The following PMP22 variants were observed in gnomAD, a reference collection of about 807,000 sequenced individuals.
PMP22 encodes Charcot-Marie-Tooth neuropathy 1A (greatly reduced nerve conduction velocity, hereditary motor sensory neuropathy Ia).
A neutral mutation model predicts 18.9 loss-of-function variants in PMP22; 2 were observed. The observed-to-expected ratio is 0.11, with a 90% CI of 0.04 to 0.33. PMP22 has a LOEUF of 0.33. Ranked by LOEUF, PMP22 falls within the 10% of genes least tolerant of loss-of-function variation. The pLI is 1.00. For missense variants in PMP22, 169 were observed against 202.2 expected, an observed-to-expected ratio of 0.84 and a Z score of 1.00; for synonymous variants, 95 against 89.2, an observed-to-expected ratio of 1.07 and a Z score of -0.37.
At chr17:15,263,164 G>A (rs559348728) in intron 1 of PMP22, among the ~76,000 whole-genome samples, 2 of 152,342 alleles carry the variant, frequency 1.3e-5, no homozygotes, top group Admixed American at 6.5e-5. Context: ...TCTTGGGTGC[G>A]AATTAGGGGA....
intron 3 of PMP22, among the ~76,000 whole-genome samples, chr17:15,253,076 C>T (rs922234826): frequency 6.6e-6 from 1 of 152,218 alleles, no homozygotes; most frequent in African/African-American, 2.4e-5. Context: ...TTGCCTGAAT[C>T]CTTTGGGTCA....
chr17:15,243,685 C>T (rs1249676042), intron 3 of PMP22, among the ~76,000 whole-genome samples: 2 of 146,678 alleles, frequency 1.4e-5, no homozygotes, highest in African/African-American at 2.5e-5. Context: ...ATGATATATA[C>T]AATATATAAT....
At chr17:15,240,506 A>T (rs1398640647) in intron 3 of PMP22, among the ~76,000 whole-genome samples, 1 of 149,108 alleles carries the variant, frequency 6.7e-6, no homozygotes, top group Non-Finnish European at 1.5e-5. Flanking sequence ...GAAGGCTTAC[A>T]CTTCCTTATC....
intron 4 of PMP22, among the ~76,000 whole-genome samples, chr17:15,234,631 T>C (rs1906630982): frequency 6.6e-6 from 1 of 152,178 alleles, no homozygotes; most frequent in East Asian, 1.9e-4. Context: ...AGTATCCAAA[T>C]GACCATTGCT....
chr17:15,233,807 C>G lies in PMP22; in HGVS notation c.320-2727G>C, dbSNP rs193124850. Among the ~76,000 whole-genome samples the G allele has an allele frequency of 8.0e-4, 121 of 152,198 alleles. No homozygotes were observed. The South Asian group carries it at 0.011, about 14-fold the overall frequency. On this transcript the variant is annotated intron_variant, in intron 4 of 4. Coordinates refer to ENST00000312280, the MANE Select transcript of PMP22 (RefSeq NM_000304.4). The stretch of plus-strand genomic sequence containing the variant: ...GAGGGAAGGAAATGCACCAGATGCC[C>G]CAAGAGCATAGACGGGCGCTGAGTC...
At chr17:15,254,718 G>A (rs1221522356) in intron 3 of PMP22, among the ~76,000 whole-genome samples, 2 of 152,174 alleles carry the variant, frequency 1.3e-5, no homozygotes, top group Non-Finnish European at 2.9e-5. Context: ...AGCACTTTGG[G>A]AGGCTGAGGC....
At chr17:15,238,194 G>C (rs1172889885) in intron 4 of PMP22, among the ~76,000 whole-genome samples, 1 of 152,150 alleles carries the variant, frequency 6.6e-6, no homozygotes, top group Non-Finnish European at 1.5e-5. Context: ...GCACTGTCTG[G>C]TTTTGAAATC....
At chr17:15,235,397 A>T (rs1202176696) in intron 4 of PMP22, 1 of 701,776 alleles carries the variant, frequency 1.4e-6, no homozygotes, top group Non-Finnish European at 2.6e-6. Flanking sequence ...AATAAATCAA[A>T]ACGTGCAAAT....
At chr17:15,240,405 ATTTTTTTTTTTTT>A (rs59646634) in intron 3 of PMP22, among the ~76,000 whole-genome samples, 1 of 121,434 alleles carries the variant, frequency 8.2e-6, no homozygotes, top group Non-Finnish European at 1.7e-5. Flanking sequence ...GACAACCCGT[ATTTTTTTTTTTTT>A]TTTTTTTTGG....
At chr17:15,249,896 G>A (rs1401778006) in intron 3 of PMP22, among the ~76,000 whole-genome samples, 4 of 152,162 alleles carry the variant, frequency 2.6e-5, no homozygotes, top group Non-Finnish European at 5.9e-5. Context: ...GGACAAAAGA[G>A]GGGCAGTGTT....
At chr17:15,238,552 C>G (rs566109561) in intron 4 of PMP22, among the ~76,000 whole-genome samples, 1 of 152,172 alleles carries the variant, frequency 6.6e-6, no homozygotes, top group Non-Finnish European at 1.5e-5. Context: ...ACCACAGAAT[C>G]CACCACTACA....
At chr17:15,232,650 G>T (rs1315091676) in intron 4 of PMP22, 1 of 152,216 alleles carries the variant, frequency 6.6e-6, no homozygotes, top group African/African-American at 2.4e-5. Flanking sequence ...CAGAGAGAAA[G>T]GTGTTAACAG....
intron 4 of PMP22, among the ~76,000 whole-genome samples, chr17:15,235,032 C>G (rs1372984049): frequency 6.6e-6 from 1 of 152,174 alleles, no homozygotes; most frequent in Non-Finnish European, 1.5e-5. Flanking sequence ...GTTGCCCAGG[C>G]TGGTCTTGAA....
At chr17:15,259,223 C>T in intron 2 of PMP22, 30 bp from the exon 3 acceptor site, 1 of 1,550,668 alleles carries the variant, frequency 6.4e-7, no homozygotes, top group African/African-American at 1.4e-5. Context: ...TATCCTGAGT[C>T]AGGGAGGGAG....
chr17:15,232,801 C>T (rs1597599868), intron 4 of PMP22, among the ~76,000 whole-genome samples: 1 of 152,078 alleles, frequency 6.6e-6, no homozygotes, highest in Non-Finnish European at 1.5e-5. Flanking sequence ...AGAGGAGATA[C>T]CAGATTCCAT....
At chr17:15,232,145 C>T (rs1906415164) in intron 4 of PMP22, among the ~76,000 whole-genome samples, 1 of 152,048 alleles carries the variant, frequency 6.6e-6, no homozygotes, top group East Asian at 1.9e-4. Flanking sequence ...CACCGCCCGG[C>T]CACCTACATC....
At chr17:15,244,728 C>T (rs12944046) in intron 3 of PMP22, among the ~76,000 whole-genome samples, 1 of 152,068 alleles carries the variant, frequency 6.6e-6, no homozygotes, top group Non-Finnish European at 1.5e-5. Context: ...TATGTAATTG[C>T]GTATAGACAT....
intron 4 of PMP22, among the ~76,000 whole-genome samples, chr17:15,231,620 C>G (rs1906359239): frequency 6.6e-6 from 1 of 152,168 alleles, no homozygotes; most frequent in African/African-American, 2.4e-5. Flanking sequence ...CCAGGTGAAG[C>G]AAGCAATGCC....
chr17:15,251,388 C>A (rs1244545403), intron 3 of PMP22, among the ~76,000 whole-genome samples: 1 of 152,152 alleles, frequency 6.6e-6, no homozygotes, highest in Admixed American at 6.5e-5. Context: ...GGGACCTGCT[C>A]TTTCTTGTTC....
Sources: allele counts gnomAD v4.1 joint callset (sites outside exome capture counted in the v4.1 genomes callset), GRCh38; gene constraint gnomAD v4.1.1; transcripts MANE v1.5; gene names NCBI Gene and HGNC (gene_info 2026-07-23, HGNC 2026-07-21).